Variants in CAMKK2 observed in about 807,000 individuals in gnomAD.
CAMKK2 encodes the protein calcium/calmodulin-dependent protein kinase kinase 2.
In CAMKK2, 30 loss-of-function variants were observed where a neutral mutation model predicts 67.2. That is an observed-to-expected ratio of 0.45 (90% CI 0.33 to 0.61). The LOEUF is 0.61. Ranked by LOEUF, CAMKK2 falls within the 20% of genes least tolerant of loss-of-function variation. The pLI is 0.02. For synonymous variants in CAMKK2, 322 were observed against 326.2 expected (o/e 0.99, Z 0.14); for missense variants, 643 against 802.0 (o/e 0.80, Z 2.39).
At chr12:121,290,414 G>T (rs1899760596) in intron 1 of CAMKK2, among the ~76,000 whole-genome samples, 1 of 152,194 alleles carries the variant, frequency 6.6e-6, no homozygotes. Flanking sequence ...AGGGCTGGTT[G>T]TAATGGCTGA....
chr12:121,278,180 C>T (rs1897144132), intron 1 of CAMKK2, among the ~76,000 whole-genome samples: 1 of 152,040 alleles, frequency 6.6e-6, no homozygotes, highest in African/African-American at 2.4e-5. Context: ...GTCTCAGTTT[C>T]CCCATCAATG....
chr12:121,255,236 T>TTATATATATATAATTATATATATTTTTA (rs1891709996), intron 9 of CAMKK2, among the ~76,000 whole-genome samples: 2 of 3,226 alleles, frequency 6.2e-4, no homozygotes, highest in Non-Finnish European at 9.6e-4. Context: ...ATATATAATT[T>TTATATATATATAATTATATATATTTTTA]TATATATATA....
At chr12:121,248,479 G>T in intron 14 of CAMKK2, 127 bp downstream of exon 14, 1 of 1,054,050 alleles carries the variant, frequency 9.5e-7, no homozygotes, top group Non-Finnish European at 1.4e-6. Flanking sequence ...GAGGCCAGCA[G>T]CTGTGGATTA....
At chr12:121,291,693 G>C (rs949369169) in intron 1 of CAMKK2, among the ~76,000 whole-genome samples, 4 of 152,152 alleles carry the variant, frequency 2.6e-5, no homozygotes, top group Admixed American at 2.0e-4. Flanking sequence ...AAATGCTCTG[G>C]AACTAGACAG....
intron 16 of CAMKK2, among the ~76,000 whole-genome samples, chr12:121,242,316 C>T (rs1204401403): frequency 6.6e-6 from 1 of 151,424 alleles, no homozygotes; most frequent in Non-Finnish European, 1.5e-5. Flanking sequence ...ACACTCCAAC[C>T]TGGGCAACAG....
At chr12:121,278,386 C>T (rs992131036) in intron 1 of CAMKK2, among the ~76,000 whole-genome samples, 1 of 152,228 alleles carries the variant, frequency 6.6e-6, no homozygotes, top group Non-Finnish European at 1.5e-5. Flanking sequence ...CACTCAGAAT[C>T]ATGCCCTGCA....
rs970404689 is a variant in CAMKK2, at chr12:121,269,479, C to CTCT, written c.573+46_573+48dup. ...AGGAAGCTGAGTGCTGGAAAGGAGG[C>CTCT]TCTTCTGTGGATAAGGATGGGGGCA... On this transcript the variant is annotated intron_variant, in intron 4 of 16. Transcript: ENST00000404169. 4 of 1,414,012 alleles carry CTCT rather than the reference C, an allele frequency of 2.8e-6. No homozygotes were observed. In the Admixed American group the frequency reaches 5.6e-5, roughly 20 times the overall value. 87.6% of individuals were successfully genotyped at this position (1,414,012 alleles called of 1,614,324 possible).
upstream of CAMKK2, chr12:121,297,533 A>T: frequency 2.0e-6 from 1 of 493,302 alleles, no homozygotes; most frequent in Admixed American, 2.2e-5. Flanking sequence ...CCTTTTTGGC[A>T]CTTACTTTGC....
chr12:121,296,935 G>T (rs1006555750), upstream of CAMKK2, among the ~76,000 whole-genome samples: 2 of 151,746 alleles, frequency 1.3e-5, no homozygotes, highest in Non-Finnish European at 2.9e-5. The surrounding 1 kb of genome is among the most constrained non-coding windows in gnomAD (Gnocchi z 7.1). Context: ...GGAGGCGGGA[G>T]CCTGCAAAGA....
chr12:121,245,397 G>A lies in CAMKK2; in HGVS notation c.1453-157C>T, dbSNP rs574609378. On this transcript the variant is annotated intron_variant, in intron 14 of 16. Coordinates refer to ENST00000404169, the MANE Select transcript of CAMKK2 (RefSeq NM_001270485.2). This position sits in a 1 kb window ranked among gnomAD's most constrained non-coding sequence, Gnocchi z 5.8. Reference sequence around the variant, plus strand: ...GAGAGAAACTGGGCAGCACCACCCCGCAACCAACCCCCGCCGAAAGAATCC... The same window carrying A: ...GAGAGAAACTGGGCAGCACCACCCCACAACCAACCCCCGCCGAAAGAATCC... Among the ~76,000 whole-genome samples the A allele has an allele frequency of 6.6e-6, 1 of 152,210 alleles. No individual in the cohort carries two copies. Among genetic ancestry groups the A allele is most frequent in the South Asian group, 2.1e-4 (1 of 4,822 alleles).
In CAMKK2 at chr12:121,260,412, A is replaced by G. The variant is rs1253519592; in HGVS notation, c.760-57T>C. On this transcript the variant is annotated intron_variant, in intron 6 of 16. Coordinates refer to ENST00000404169, the MANE Select transcript of CAMKK2 (RefSeq NM_001270485.2). ...CGGATGGCGGGGGAGAAAAAGAGAG[A>G]ATAGATATGAGCAGGGAGGAGGCAG... 3.9e-6 allele frequency: 6 copies of G among 1,526,546 alleles called. No individual in the cohort carries two copies. In the South Asian group the frequency reaches 7.0e-5, roughly 18 times the overall value. The allele number at this position is 1,526,546 out of a possible 1,614,324, so 94.6% of individuals were successfully genotyped here. A position where few individuals can be genotyped will look rare whatever the true frequency, so the allele number is the denominator to read the frequency against.
rs544844889 is a variant in CAMKK2, at chr12:121,244,314, C to A, written c.1596+259G>T. 3.3e-5 allele frequency among the ~76,000 whole-genome samples: 5 copies of A among 152,336 alleles called. No homozygotes were observed. In the East Asian group the frequency reaches 9.7e-4, roughly 29 times the overall value. ...ATGGGTGCCACACAGGATCTTCAGA[C>A]CTGGGTGCATTCTCAGGCATTCCAG... On this transcript the variant is annotated intron_variant, in intron 16 of 16. Transcript: ENST00000404169.
chr12:121,255,728 C>G, intron 8 of CAMKK2, 55 bp downstream of exon 8: 1 of 1,610,740 alleles, frequency 6.2e-7, no homozygotes, highest in South Asian at 1.1e-5. Context: ...CCTCACTCAG[C>G]TATGCAGCTA....
upstream of CAMKK2, among the ~76,000 whole-genome samples, chr12:121,296,922 T>A (rs933938338): frequency 5.5e-5 from 8 of 145,202 alleles, no homozygotes; most frequent in African/African-American, 1.8e-4. This position sits in a 1 kb window ranked among gnomAD's most constrained non-coding sequence, Gnocchi z 7.1. Flanking sequence ...CGGGGAGGGG[T>A]GGGGAGGCGG....
intron 1 of CAMKK2, among the ~76,000 whole-genome samples, chr12:121,288,935 C>T (rs902928677): frequency 2.6e-5 from 4 of 152,144 alleles, no homozygotes; most frequent in African/African-American, 9.7e-5. Context: ...TTCTTTCATT[C>T]CTTTTCAAAA....
intron 7 of CAMKK2, among the ~76,000 whole-genome samples, chr12:121,257,792 G>A (rs545290316): frequency 1.6e-4 from 25 of 152,172 alleles, no homozygotes; most frequent in Middle Eastern, 3.4e-3. Flanking sequence ...CCCAGCGCTG[G>A]CCCCCTCAGC....
chr12:121,297,553 A>G (rs200996734), upstream of CAMKK2: 1 of 512,288 alleles, frequency 2.0e-6, no homozygotes, highest in Admixed American at 2.0e-5. Flanking sequence ...CTGGAGCCTT[A>G]AGTGTGCGTT....
At position 121,263,937 on chromosome 12, in the gene CAMKK2, G is replaced by A. The variant is rs762984197; in HGVS notation, c.628C>T (p.Arg210Cys). Residue 210 changes from arginine to cysteine, a missense_variant and splice_region_variant, in exon 6 of 17, where the codon CGC becomes TGC. Physicochemically the swap from Arg to Cys is radical, Grantham distance 180. This residue lies in a region of CAMKK2 where 483 missense variants were observed against 625.8 expected (regional missense o/e 0.77). Coordinates refer to ENST00000404169, the MANE Select transcript of CAMKK2 (RefSeq NM_001270485.2). ...GGCCGGGTGCCTCGGGGTGGAGGGC[G>A]ACCTGAAGGAAACAAAAACAGACCC... ...KLIRQAGFPR[R>C]PPPRGTRPAP... 6.9e-6 allele frequency: 11 copies of A among 1,596,220 alleles called. 1 individual carries two copies. The highest frequency in any genetic ancestry group is 3.3e-4 in the Middle Eastern group (2 of 6,002).
At chr12:121,265,259 G>T (rs1894296413) in intron 5 of CAMKK2, among the ~76,000 whole-genome samples, 1 of 152,254 alleles carries the variant, frequency 6.6e-6, no homozygotes, top group East Asian at 1.9e-4. Context: ...AGAAGTACAG[G>T]TGTCAGAGGG....
Sources: allele counts gnomAD v4.1 joint callset (sites outside exome capture counted in the v4.1 genomes callset), GRCh38; gene constraint gnomAD v4.1.1; regional missense constraint gnomAD v4.1.1; non-coding constraint Gnocchi (gnomAD v3.1); transcripts MANE v1.5; gene names NCBI Gene and HGNC (gene_info 2026-07-23, HGNC 2026-07-21).